SUMF1: variants seen among roughly 807,000 people sequenced by gnomAD.
The protein encoded by SUMF1 is formylglycine-generating enzyme.
Under a neutral mutation model 47.6 loss-of-function variants are expected in SUMF1, and 48 were observed. The ratio of observed to expected loss-of-function variants is 1.01; its 90% CI spans 0.80 to 1.28. The LOEUF (loss-of-function observed/expected upper bound fraction) is 1.28, where lower values mean the gene tolerates loss of function less well. SUMF1 is among the 50% of genes most tolerant of loss of function. The pLI is 0.00. For synonymous variants in SUMF1, 230 were observed against 192.1 expected (o/e 1.20, Z -1.63); for missense variants, 571 against 485.4 (o/e 1.18, Z -1.66).
rs563358955 is a variant in SUMF1 at position 4,347,146 on chromosome 3, C to T, written c.1014+29184G>A. Among the ~76,000 whole-genome samples, 3 of 152,274 alleles carry T rather than the reference C, an allele frequency of 2.0e-5. No homozygotes were observed. In the South Asian group the frequency reaches 6.2e-4, roughly 32 times the overall value. On this transcript the variant is annotated intron_variant and NMD_transcript_variant, in intron 8 of 12. Transcript: ENST00000448413. ...CCATTCCTTCTGAAACTATTCCAAA[C>T]AATTGAAAAGAAGGAACTCTTCCCT...
At chr3:4,331,222 T>C (rs1699045683) in intron 8 of SUMF1, among the ~76,000 whole-genome samples, 1 of 114,372 alleles carries the variant, frequency 8.7e-6, no homozygotes, top group African/African-American at 3.1e-5. Context: ...TTCCTTTAAT[T>C]TAAAAAAAAA....
At chr3:4,111,859 T>C (rs966113766) in intron 8 of SUMF1, among the ~76,000 whole-genome samples, 1 of 152,112 alleles carries the variant, frequency 6.6e-6, no homozygotes, top group African/African-American at 2.4e-5. Context: ...TGAAGTGCAC[T>C]GGCCTAGGTT....
At chr3:4,388,517 A>G (rs1700745828) in intron 7 of SUMF1, among the ~76,000 whole-genome samples, 1 of 152,006 alleles carries the variant, frequency 6.6e-6, no homozygotes, top group South Asian at 2.1e-4. Flanking sequence ...TACTATGCCA[A>G]TCTGTCTTTT....
At position 4,178,344 on chromosome 3, in the gene SUMF1, C is replaced by T. The variant is rs930659590; in HGVS notation, c.1015-109599G>A. Among the ~76,000 whole-genome samples, 11 of 152,266 alleles carry T rather than the reference C, an allele frequency of 7.2e-5. 2 individuals are homozygous for T. Among genetic ancestry groups the T allele is most frequent in the Admixed American group, 6.5e-5 (1 of 15,284 alleles). Reference sequence around the variant, plus strand: ...AGCATATCAAAAAGCTTATCCACCACAATCAATTTGGCTTCATCCCTGGGA... The same window carrying T: ...AGCATATCAAAAAGCTTATCCACCATAATCAATTTGGCTTCATCCCTGGGA... On this transcript the variant is annotated intron_variant and NMD_transcript_variant, in intron 8 of 12. Transcript: ENST00000448413.
At chr3:4,085,115 C>T (rs978818696) in intron 8 of SUMF1, among the ~76,000 whole-genome samples, 4 of 152,032 alleles carry the variant, frequency 2.6e-5, no homozygotes, top group African/African-American at 9.7e-5. Context: ...GTAATCAGGG[C>T]CCCATCAAAT....
chr3:4,063,547 G>A (rs1336264373), intron 9 of SUMF1, among the ~76,000 whole-genome samples: 3 of 152,016 alleles, frequency 2.0e-5, no homozygotes, highest in African/African-American at 4.8e-5. Context: ...CAAACCTGCT[G>A]AATATGCATG....
intron 8 of SUMF1, among the ~76,000 whole-genome samples, chr3:4,177,953 A>C (rs1395745722): frequency 4.6e-5 from 7 of 152,182 alleles, no homozygotes; most frequent in South Asian, 4.1e-4. Flanking sequence ...GAAATGGATA[A>C]ATTCCTGGAC....
intron 8 of SUMF1, among the ~76,000 whole-genome samples, chr3:4,093,184 T>A (rs1028851598): frequency 6.6e-6 from 1 of 152,132 alleles, no homozygotes; most frequent in African/African-American, 2.4e-5. Flanking sequence ...AGGAATTGGT[T>A]ATGGGGATTA....
At chr3:4,276,395 AAAGTAC>A (rs58010744) in intron 8 of SUMF1, among the ~76,000 whole-genome samples, 56,853 of 151,806 alleles carry the variant, frequency 0.37, 11,032 homozygotes, top group Non-Finnish European at 0.44. Context: ...TTACTATGAC[AAAGTAC>A]AAGTTTTGAG....
intron 9 of SUMF1, among the ~76,000 whole-genome samples, chr3:4,061,674 G>A (rs1180442771): frequency 6.6e-6 from 1 of 152,032 alleles, no homozygotes; most frequent in African/African-American, 2.4e-5. Flanking sequence ...ATGGGGTGGT[G>A]GGGGACACAT....
intron 8 of SUMF1, among the ~76,000 whole-genome samples, chr3:4,212,512 G>A (rs1695822034): frequency 6.6e-6 from 1 of 152,076 alleles, no homozygotes; most frequent in Non-Finnish European, 1.5e-5. Flanking sequence ...TTCTCCAAAG[G>A]ATCACAACTA....
intron 4 of SUMF1, 115 bp from the exon 5 acceptor site, chr3:4,418,247 T>A: frequency 1.4e-6 from 2 of 1,467,216 alleles, no homozygotes; most frequent in Non-Finnish European, 9.3e-7. Context: ...ACTGAGGTCA[T>A]CCTGGTCCTT....
intron 8 of SUMF1, among the ~76,000 whole-genome samples, chr3:4,201,104 A>G (rs1045394767): frequency 2.6e-5 from 4 of 152,090 alleles, no homozygotes; most frequent in African/African-American, 9.6e-5. Flanking sequence ...TGGGGTATCC[A>G]TCACCTCATG....
chr3:4,035,110 C>T (rs1459382094), intron 9 of SUMF1, among the ~76,000 whole-genome samples: 4 of 151,998 alleles, frequency 2.6e-5, no homozygotes, highest in Non-Finnish European at 5.9e-5. Context: ...AAGTGGGGGA[C>T]ATTTTGAGTT....
At chr3:4,405,885 A>C (rs1478765178) in intron 7 of SUMF1, among the ~76,000 whole-genome samples, 1 of 152,206 alleles carries the variant, frequency 6.6e-6, no homozygotes, top group African/African-American at 2.4e-5. Flanking sequence ...CTTTGATCTG[A>C]CTGGGCTTTG....
intron 8 of SUMF1, among the ~76,000 whole-genome samples, chr3:4,249,521 AC>A (rs1485228176): frequency 6.6e-6 from 1 of 152,160 alleles, no homozygotes; most frequent in Admixed American, 6.5e-5. Context: ...TGGGGGCACC[AC>A]AAATCACGTC....
chr3:4,098,372 G>C (rs1249289273), intron 8 of SUMF1, among the ~76,000 whole-genome samples: 3 of 152,012 alleles, frequency 2.0e-5, no homozygotes, highest in African/African-American at 7.3e-5. Flanking sequence ...AGACACATAG[G>C]GACACACAAT....
intron 8 of SUMF1, among the ~76,000 whole-genome samples, chr3:4,265,422 CATG>C (rs1243108512): frequency 2.0e-5 from 3 of 152,096 alleles, no homozygotes; most frequent in African/African-American, 7.2e-5. Context: ...CAACAATGAT[CATG>C]ATTTTTCATA....
intron 8 of SUMF1, among the ~76,000 whole-genome samples, chr3:4,151,359 A>T (rs1694319348): frequency 6.9e-6 from 1 of 145,912 alleles, no homozygotes. Context: ...TACATACACA[A>T]TATATATATA....
Sources: gnomAD v4.1 joint callset for allele counts (sites outside exome capture counted in the v4.1 genomes callset) on GRCh38, gnomAD v4.1.1 for gene constraint, MANE v1.5 for transcripts, NCBI Gene and HGNC (gene_info 2026-07-23, HGNC 2026-07-21) for gene names.